The following CDC27 variants were observed in gnomAD, a reference collection of about 807,000 sequenced individuals.
CDC27 encodes cell division cycle 27, also known as cell division cycle protein 27 homolog.
Under a neutral mutation model 109.7 loss-of-function variants are expected in CDC27, and 27 were observed. The observed-to-expected ratio is 0.25, with a 90% confidence interval of 0.18 to 0.34. The LOEUF (loss-of-function observed/expected upper bound fraction) is 0.34, where lower values mean the gene tolerates loss of function less well. Ranked by LOEUF, CDC27 falls within the 10% of genes least tolerant of loss-of-function variation. The pLI is 1.00. For synonymous variants in CDC27, 266 were observed against 333.9 expected, an observed-to-expected ratio of 0.80 and a Z score of 2.22; for missense variants, 579 against 960.2, an observed-to-expected ratio of 0.60 and a Z score of 5.25.
At position 47,119,688 on chromosome 17, in the gene CDC27, T is replaced by C. The variant is rs1456964527; in HGVS notation, c.*1247A>G. On this transcript the variant is annotated 3_prime_UTR_variant, in exon 19 of 19. Transcript: ENST00000066544. ...TACTGTGGAATTCCAATAATTATCA[T>C]TTTATATGCATAATTGAATTCTTAA... 2 of 152,234 alleles carry C rather than the reference T, an allele frequency of 1.3e-5. No homozygotes were observed. The highest frequency in any genetic ancestry group is 4.8e-5 in the African/African-American group (2 of 41,468). The allele number at this position is 152,234 out of a possible 1,614,324, so 9.4% of individuals were successfully genotyped here. A position where few individuals can be genotyped will look rare whatever the true frequency, so the allele number is the denominator to read the frequency against.
intron 1 of CDC27, among the ~76,000 whole-genome samples, chr17:47,186,346 A>G (rs1287025402): frequency 6.6e-6 from 1 of 152,192 alleles, no homozygotes; most frequent in Admixed American, 6.5e-5. Flanking sequence ...TCACCATCTA[A>G]TGATCTCTAA....
intron 4 of CDC27, chr17:47,159,214 C>A (rs1168325910): frequency 1.1e-5 from 5 of 450,508 alleles, no homozygotes; most frequent in Non-Finnish European, 2.0e-5. Flanking sequence ...ACAGCTGGAG[C>A]CCGGGTCCTC....
intron 1 of CDC27, 116 bp downstream of exon 1, chr17:47,189,030 A>T (rs753186804): frequency 4.6e-6 from 7 of 1,516,066 alleles, no homozygotes; most frequent in Non-Finnish European, 6.3e-6. Context: ...ACACGGCAGC[A>T]GGGGAGGCGG....
At chr17:47,151,281 T>C (rs1367903184) in intron 9 of CDC27, among the ~76,000 whole-genome samples, 3 of 152,194 alleles carry the variant, frequency 2.0e-5, no homozygotes, top group Non-Finnish European at 4.4e-5. Flanking sequence ...CACCTGTGTG[T>C]ATGTCTGTTT....
chr17:47,122,448 C>A lies in CDC27; in HGVS notation c.2388G>T (p.Gln796His). The stretch of plus-strand genomic sequence containing the variant: ...AATCATATGTATGATACTTACTGAT[C>A]TGTTCTTCTTGGGTTATTGGCTCCT... ...DDEEPITQEE[Q>H]IMGTDESQES... The change falls in exon 18 of 19, where the codon CAG becomes CAT. Residue 796 changes from glutamine (Q) to histidine (H), a missense_variant. Coordinates refer to ENST00000066544, the MANE Select transcript of CDC27 (RefSeq NM_001256.6). 1 of 1,593,264 alleles carries A rather than the reference C, an allele frequency of 6.3e-7. No homozygotes were observed. Among genetic ancestry groups the A allele is most frequent in the South Asian group, 1.1e-5 (1 of 87,296 alleles).
intron 4 of CDC27, chr17:47,159,761 T>C (rs890340907): frequency 9.2e-5 from 39 of 422,200 alleles, no homozygotes; most frequent in Middle Eastern, 1.3e-3. Context: ...CTTCAAAACC[T>C]TGTGCTTGAG....
At chr17:47,178,618 A>C (rs1040119839) in intron 2 of CDC27, among the ~76,000 whole-genome samples, 2 of 151,776 alleles carry the variant, frequency 1.3e-5, no homozygotes, top group Non-Finnish European at 2.9e-5. Flanking sequence ...GGAACCTGTA[A>C]AGGACTTTCT....
intron 4 of CDC27, among the ~76,000 whole-genome samples, chr17:47,162,563 T>C (rs575201520): frequency 3.3e-5 from 5 of 152,292 alleles, no homozygotes; most frequent in African/African-American, 7.2e-5. Flanking sequence ...ATTTTAAAAG[T>C]TGCATTAGTG....
chr17:47,164,587 C>T (rs2148945050), intron 4 of CDC27, among the ~76,000 whole-genome samples: 1 of 152,266 alleles, frequency 6.6e-6, no homozygotes. Context: ...GAGGCCGAGG[C>T]AGGTGGATCA....
chr17:47,169,735 G>C, intron 4 of CDC27, 182 bp downstream of exon 4: 1 of 395,128 alleles, frequency 2.5e-6, no homozygotes, highest in Non-Finnish European at 4.4e-6. Flanking sequence ...TTATCAGTAA[G>C]GATAAGTGGA....
rs781261216 is a variant in CDC27, at chr17:47,142,411, T to A, written c.1196A>T (p.Lys399Met). 1 of 1,476,306 alleles carries A rather than the reference T, an allele frequency of 6.8e-7. No homozygotes were observed. The allele number at this position is 1,476,306 out of a possible 1,614,324, so 91.5% of individuals were successfully genotyped here. A position where few individuals can be genotyped will look rare whatever the true frequency, so the allele number is the denominator to read the frequency against. The change falls in exon 11 of 19, where the codon AAG (lysine) becomes ATG (methionine). Residue 399 changes from lysine (K) to methionine (M), a missense_variant. Lys to Met is a moderately conservative substitution (Grantham distance 95). Coordinates refer to ENST00000066544, the MANE Select transcript of CDC27 (RefSeq NM_001256.6). ...TCTGTTTGGGATTTTAGGTGGAAAC[T>A]TCATTTTTAATTTTTTGCTATTCTC... ...TKENSKKLKM[K>M]FPPKIPNRKT... is the part of the protein sequence containing the mutation.
intron 2 of CDC27, among the ~76,000 whole-genome samples, chr17:47,175,434 T>C (rs971109208): frequency 6.6e-6 from 1 of 152,192 alleles, no homozygotes; most frequent in Non-Finnish European, 1.5e-5. Flanking sequence ...GAGTACTCTG[T>C]GGCTACCCTG....
intron 16 of CDC27, among the ~76,000 whole-genome samples, chr17:47,125,946 A>G (rs983239998): frequency 6.6e-6 from 1 of 152,200 alleles, no homozygotes; most frequent in Admixed American, 6.5e-5. Flanking sequence ...ATTGCATATT[A>G]TAATTGTTAT....
chr17:47,120,938 A>C lies in CDC27; in HGVS notation c.2472T>G (p.Phe824Leu), dbSNP rs755289500. ...GTAAAAGTCTGATTTCCAGAAGTTA[A>C]AATTCATCACTTTCAGCTGCATGAA... ...TQLHAAESDE[F>L] The change falls in exon 19 of 19, where the codon TTT becomes TTG. Residue 824 changes from phenylalanine (F) to leucine (L), a missense_variant. By Grantham distance (22) the Phe-to-Leu change is conservative (BLOSUM62 0). Transcript: ENST00000066544. The C allele has an allele frequency of 6.2e-7, 1 of 1,610,508 alleles. No homozygotes were observed. Among genetic ancestry groups the C allele is most frequent in the Non-Finnish European group, 8.5e-7 (1 of 1,177,274 alleles).
rs1002279444 is a variant in CDC27, at chr17:47,179,150, C to T, written c.103+2412G>A. On this transcript the variant is annotated intron_variant, in intron 2 of 18. Transcript: ENST00000066544. ...AAATCTCGAGAGAAAGACAAATGGG[C>T]GACAAAGAACTAGTGAAACTGAGAA... Among the ~76,000 whole-genome samples, 17 of 152,078 alleles carry T rather than the reference C, an allele frequency of 1.1e-4. 1 individual carries two copies. The highest frequency in any genetic ancestry group is 2.7e-4 in the African/African-American group (11 of 41,388).
intron 14 of CDC27, among the ~76,000 whole-genome samples, chr17:47,133,028 T>TATATATATATATATACAC (rs1555783886): frequency 3.4e-5 from 1 of 29,822 alleles, no homozygotes; most frequent in African/African-American, 1.5e-4. Flanking sequence ...TATATATATA[T>TATATATATATATATACAC]ACACACACAC....
At chr17:47,121,645 C>T (rs553644820) in intron 18 of CDC27, among the ~76,000 whole-genome samples, 16 of 152,164 alleles carry the variant, frequency 1.1e-4, no homozygotes, top group Admixed American at 9.2e-4. Context: ...GTCTCACTGG[C>T]TAGTCGTGAA....
intron 4 of CDC27, among the ~76,000 whole-genome samples, chr17:47,169,478 C>T (rs1417489245): frequency 6.6e-6 from 1 of 151,702 alleles, no homozygotes; most frequent in Non-Finnish European, 1.5e-5. Flanking sequence ...AAAACCCTGT[C>T]TACCAAAAAT....
At chr17:47,149,637 T>A (rs549257779) in intron 9 of CDC27, among the ~76,000 whole-genome samples, 1 of 151,788 alleles carries the variant, frequency 6.6e-6, no homozygotes, top group East Asian at 1.9e-4. Flanking sequence ...TGTGTAAATA[T>A]AAAATAGACT....
Sources: allele counts gnomAD v4.1 joint callset (sites outside exome capture counted in the v4.1 genomes callset), GRCh38; gene constraint gnomAD v4.1.1; transcripts MANE v1.5; gene names NCBI Gene and HGNC (gene_info 2026-07-23, HGNC 2026-07-21).